Variants in NRXN1 observed in about 807,000 individuals in gnomAD.
NRXN1 encodes neurexin 1.
NRXN1 carries 39 observed loss-of-function variants against 150.9 expected under a neutral mutation model. That is an observed-to-expected ratio of 0.26 (90% CI 0.20 to 0.34). The LOEUF (loss-of-function observed/expected upper bound fraction) is 0.34, where lower values mean the gene tolerates loss of function less well. NRXN1 is among the 10% of genes least tolerant of loss of function. The pLI is 1.00. For missense variants in NRXN1, 1,815 were observed against 1,949.9 expected, an observed-to-expected ratio of 0.93 and a Z score of 1.30; for synonymous variants, 924 against 757.0, an observed-to-expected ratio of 1.22 and a Z score of -3.62.
intron 2 of NRXN1, among the ~76,000 whole-genome samples, chr2:50,973,729 T>C (rs1409856794): frequency 6.6e-6 from 1 of 152,148 alleles, no homozygotes; most frequent in African/African-American, 2.4e-5. Flanking sequence ...ATGTATTCAT[T>C]CCTAGTAGGT....
chr2:50,930,423 A>G (rs1436687708), intron 2 of NRXN1, among the ~76,000 whole-genome samples: 1 of 152,136 alleles, frequency 6.6e-6, no homozygotes, highest in East Asian at 1.9e-4. Context: ...AAAAGCAAGA[A>G]AGCCTAAAGT....
intron 12 of NRXN1, among the ~76,000 whole-genome samples, chr2:50,523,952 A>AT (rs564575964): frequency 1.9e-4 from 29 of 152,118 alleles, no homozygotes; most frequent in Non-Finnish European, 2.8e-4. Flanking sequence ...CTGCTTAAAT[A>AT]TTTTTTTTAA....
At chr2:50,170,222 C>T (rs955182603) in intron 18 of NRXN1, among the ~76,000 whole-genome samples, 1 of 151,912 alleles carries the variant, frequency 6.6e-6, no homozygotes, top group Non-Finnish European at 1.5e-5. Context: ...GTTTGAAATG[C>T]TCCAAAATCC....
At chr2:50,329,442 A>G (rs2076599331) in intron 17 of NRXN1, among the ~76,000 whole-genome samples, 1 of 151,250 alleles carries the variant, frequency 6.6e-6, no homozygotes, top group Non-Finnish European at 1.5e-5. Flanking sequence ...AGGAGGTAGT[A>G]TAAAGAAACA....
intron 21 of NRXN1, among the ~76,000 whole-genome samples, chr2:50,025,671 G>C: frequency 6.6e-6 from 1 of 152,280 alleles, no homozygotes; most frequent in African/African-American, 2.4e-5. Flanking sequence ...AGTAATATTA[G>C]TTTCTTAAGC....
intron 18 of NRXN1, among the ~76,000 whole-genome samples, chr2:50,223,850 G>T (rs1385139604): frequency 6.6e-6 from 1 of 151,852 alleles, no homozygotes; most frequent in East Asian, 1.9e-4. Flanking sequence ...TTTAGAATGT[G>T]GTGAAGGCTG....
chr2:50,981,887 GA>G (rs1359258010), intron 2 of NRXN1, among the ~76,000 whole-genome samples: 4 of 150,804 alleles, frequency 2.7e-5, no homozygotes, highest in Non-Finnish European at 5.9e-5. Flanking sequence ...ACAGAAAATT[GA>G]AAAAAAATTT....
intron 5 of NRXN1, among the ~76,000 whole-genome samples, chr2:50,672,263 A>T (rs1688962310): frequency 1.4e-5 from 2 of 144,046 alleles, no homozygotes; most frequent in South Asian, 2.2e-4. Flanking sequence ...TACCAATGTT[A>T]AAAAAAAAAA....
intron 21 of NRXN1, among the ~76,000 whole-genome samples, chr2:49,967,947 CA>C (rs1677241657): frequency 1.3e-5 from 2 of 152,092 alleles, no homozygotes; most frequent in African/African-American, 4.8e-5. Context: ...GAATGGTTCA[CA>C]AAATATCCCA....
chr2:50,813,915 A>G (rs1668569489), intron 5 of NRXN1, among the ~76,000 whole-genome samples: 1 of 151,536 alleles, frequency 6.6e-6, no homozygotes, highest in South Asian at 2.1e-4. Context: ...TCTTACTAAT[A>G]TATTTTTTAT....
At chr2:50,472,576 T>C (rs1261430018) in intron 15 of NRXN1, 105 bp from the exon 16 acceptor site, 4 of 832,516 alleles carry the variant, frequency 4.8e-6, no homozygotes, top group Non-Finnish European at 7.2e-6. Flanking sequence ...ATTAAGTTAA[T>C]AAAAAATTAA....
intron 19 of NRXN1, among the ~76,000 whole-genome samples, chr2:50,067,143 G>A (rs1285250593): frequency 6.6e-6 from 1 of 152,218 alleles, no homozygotes; most frequent in Non-Finnish European, 1.5e-5. Flanking sequence ...CTGCTGTGAT[G>A]TTGGGCGTAG....
chr2:50,811,421 A>AGTGT (rs1668198967), intron 5 of NRXN1, among the ~76,000 whole-genome samples: 1 of 152,192 alleles, frequency 6.6e-6, no homozygotes, highest in African/African-American at 2.4e-5. Flanking sequence ...GTCACAGACA[A>AGTGT]AGAATCAAGA....
intron 18 of NRXN1, among the ~76,000 whole-genome samples, chr2:50,161,988 T>C (rs915483115): frequency 6.6e-6 from 1 of 152,172 alleles, no homozygotes; most frequent in African/African-American, 2.4e-5. Context: ...GAAGTCATTG[T>C]AGCGAAAGAG....
intron 13 of NRXN1, among the ~76,000 whole-genome samples, chr2:50,498,848 A>G (rs1408607862): frequency 3.9e-5 from 6 of 152,206 alleles, no homozygotes; most frequent in African/African-American, 1.2e-4. Context: ...TTTGTAATCA[A>G]GTTCTTCCAC....
At chr2:50,811,795 A>G (rs927335062) in intron 5 of NRXN1, among the ~76,000 whole-genome samples, 1 of 152,214 alleles carries the variant, frequency 6.6e-6, no homozygotes, top group African/African-American at 2.4e-5. Context: ...GTCAAATATG[A>G]AAGATGATCA....
chr2:50,754,686 A>T (rs1175292350), intron 5 of NRXN1, among the ~76,000 whole-genome samples: 5 of 151,986 alleles, frequency 3.3e-5, no homozygotes, highest in South Asian at 4.1e-4. Context: ...AGCTTTCCAA[A>T]AACTGAAAAC....
At chr2:50,850,888 G>A (rs1160191077) in intron 5 of NRXN1, among the ~76,000 whole-genome samples, 1 of 151,962 alleles carries the variant, frequency 6.6e-6, no homozygotes, top group Non-Finnish European at 1.5e-5. Context: ...CTAAAATAAG[G>A]CCCTTAGAAT....
chr2:50,383,464 A>G, intron 17 of NRXN1, among the ~76,000 whole-genome samples: 1 of 152,342 alleles, frequency 6.6e-6, no homozygotes, highest in East Asian at 1.9e-4. Context: ...AAATTCTTTT[A>G]AAGTTTTATT....
Sources: allele counts gnomAD v4.1 joint callset (sites outside exome capture counted in the v4.1 genomes callset), GRCh38; gene constraint gnomAD v4.1.1; transcripts MANE v1.5; gene names NCBI Gene and HGNC (gene_info 2026-07-23, HGNC 2026-07-21).